TOX3: variants seen among roughly 807,000 people sequenced by gnomAD.
TOX3 encodes CAG trinucleotide repeat-containing gene F9 protein.
A neutral mutation model predicts 64.3 loss-of-function variants in TOX3; 22 were observed. The observed-to-expected ratio is 0.34, with a 90% CI of 0.24 to 0.49. TOX3 has a LOEUF of 0.49. Among genes scored for constraint, TOX3 ranks in the 20% least tolerant of loss-of-function variants. TOX3 has a pLI of 0.99. For synonymous variants in TOX3, 291 were observed against 273.6 expected (o/e 1.06, Z -0.63); for missense variants, 661 against 714.4 (o/e 0.93, Z 0.85).
intron 3 of TOX3, among the ~76,000 whole-genome samples, chr16:52,460,196 T>C (rs112041972): frequency 2.5e-4 from 38 of 152,306 alleles, no homozygotes; most frequent in African/African-American, 8.2e-4. Context: ...AGCACCACTA[T>C]AGCATTTTCT....
At chr16:52,458,947 G>A (rs1216759308) in intron 3 of TOX3, among the ~76,000 whole-genome samples, 3 of 152,076 alleles carry the variant, frequency 2.0e-5, no homozygotes, top group African/African-American at 7.2e-5. Flanking sequence ...GTAATTCATT[G>A]AGGGGACACT....
chr16:52,532,856 C>T (rs772103023), intron 1 of TOX3, among the ~76,000 whole-genome samples: 2 of 152,014 alleles, frequency 1.3e-5, no homozygotes, highest in East Asian at 3.9e-4. Flanking sequence ...GCAGGGGACA[C>T]AGAGGATAAA....
intron 1 of TOX3, among the ~76,000 whole-genome samples, chr16:52,485,258 A>ATATATGTGTG (rs1961496745): frequency 6.8e-6 from 1 of 146,498 alleles, no homozygotes; most frequent in Admixed American, 6.8e-5. Flanking sequence ...ATATATATAT[A>ATATATGTGTG]TATATATATA....
chr16:52,492,564 AATATATATATAT>A (rs56848244), intron 1 of TOX3, among the ~76,000 whole-genome samples: 8 of 90,694 alleles, frequency 8.8e-5, no homozygotes, highest in South Asian at 4.0e-4. Flanking sequence ...GTTGTATATA[AATATATATATAT>A]ATATATATAT....
intron 1 of TOX3, among the ~76,000 whole-genome samples, chr16:52,482,204 T>C (rs1045892235): frequency 6.6e-6 from 1 of 152,192 alleles, no homozygotes; most frequent in African/African-American, 2.4e-5. Flanking sequence ...AGCTACAACT[T>C]ATTTTAGCAT....
At position 52,519,728 on chromosome 16, in the gene TOX3, C is replaced by T. The variant is rs142218782; in HGVS notation, c.87+26909G>A. The T allele has an allele frequency of 1.1e-3, 657 of 599,842 alleles. 6 individuals are homozygous for T. In the East Asian group the frequency reaches 0.018, roughly 16 times the overall value. 37.2% of individuals were successfully genotyped at this position (599,842 alleles called of 1,614,324 possible). On this transcript the variant is annotated intron_variant, in intron 1 of 6. Transcript: ENST00000219746. ...ATCCCAGCACTTTGGGAGGCCAACA[C>T]AGCAGGAGCTCTTGGGCCTGGGAGT... is the stretch of plus-strand genomic sequence containing the variant.
intron 1 of TOX3, among the ~76,000 whole-genome samples, chr16:52,543,276 T>C (rs1963112792): frequency 6.6e-6 from 1 of 152,210 alleles, no homozygotes; most frequent in South Asian, 2.1e-4. Flanking sequence ...GATTTTGGAA[T>C]ATTTGCATTA....
intron 1 of TOX3, among the ~76,000 whole-genome samples, chr16:52,509,710 G>C (rs1962250936): frequency 6.6e-6 from 1 of 152,246 alleles, no homozygotes; most frequent in African/African-American, 2.4e-5. Flanking sequence ...GCTTATGTAT[G>C]TACATGTGCA....
At position 52,439,474 on chromosome 16, in the gene TOX3, C is replaced by T. The variant is rs377610207; in HGVS notation, c.1482G>A (p.Gln494=). 1.1e-4 allele frequency: 159 copies of T among 1,434,990 alleles called. No individual in the cohort carries two copies. Among genetic ancestry groups the T allele is most frequent in the Non-Finnish European group, 1.4e-4 (146 of 1,041,332 alleles). 88.9% of individuals were successfully genotyped at this position (1,434,990 alleles called of 1,614,324 possible). Reference sequence around the variant, plus strand: ...GATTAATTTGCTGCTGGAGATGCTGCTGCTGCTGCTGCAGGTGCTGCTGCA... The same window carrying T: ...GATTAATTTGCTGCTGGAGATGCTGTTGCTGCTGCTGCAGGTGCTGCTGCA... The part of the protein sequence containing the change: ...HHMQQHLQQQ[Q]QHLQQQINQQ... The change falls in exon 7 of 7, where the codon CAG becomes CAA. Residue 494 remains glutamine (Q), a synonymous_variant. Transcript: ENST00000219746.
intron 1 of TOX3, among the ~76,000 whole-genome samples, chr16:52,498,547 T>C (rs1391749449): frequency 6.6e-6 from 1 of 152,106 alleles, no homozygotes; most frequent in Non-Finnish European, 1.5e-5. Flanking sequence ...TCACTTGACC[T>C]GCCTCCCAAC....
intron 1 of TOX3, among the ~76,000 whole-genome samples, chr16:52,478,315 TG>T (rs1961275045): frequency 1.3e-5 from 2 of 152,292 alleles, no homozygotes; most frequent in South Asian, 4.2e-4. Flanking sequence ...GTTCTTTCTC[TG>T]GGCCACTCAT....
rs183585723 is a variant in TOX3 at position 52,522,506 on chromosome 16, C to T, written c.87+24131G>A. 3.9e-5 allele frequency among the ~76,000 whole-genome samples: 6 copies of T among 152,304 alleles called. No individual in the cohort carries two copies. In the East Asian group the frequency reaches 5.8e-4, roughly 15 times the overall value. On this transcript the variant is annotated intron_variant, in intron 1 of 6. Transcript: ENST00000219746. ...AAGTCTCGTCTCTTGCAGTCTCACA[C>T]AAATGGGCAGTTCAGTTGCAGTCAT...
chr16:52,469,749 T>C (rs1960985210), intron 1 of TOX3, among the ~76,000 whole-genome samples: 1 of 152,170 alleles, frequency 6.6e-6, no homozygotes. Flanking sequence ...TACATAGATA[T>C]GGAAGACTCA....
At chr16:52,505,188 G>A (rs933205894) in intron 1 of TOX3, among the ~76,000 whole-genome samples, 1 of 152,136 alleles carries the variant, frequency 6.6e-6, no homozygotes, top group Non-Finnish European at 1.5e-5. Context: ...AGAGAGAACT[G>A]CATAGGAAGG....
In TOX3 at chr16:52,459,832, A is replaced by G. The variant is rs183714883; in HGVS notation, c.408+4102T>C. Among the ~76,000 whole-genome samples, 336 of 152,312 alleles carry G rather than the reference A, an allele frequency of 2.2e-3. 1 individual carries two copies. The highest frequency in any genetic ancestry group is 6.1e-3 in the Admixed American group (94 of 15,296). Reference sequence around the variant, plus strand: ...TTAACGTAAGATTTTTTTAAGTATAAAAATGGCATGAAAGTCATTTTCTTA... The same window carrying G: ...TTAACGTAAGATTTTTTTAAGTATAGAAATGGCATGAAAGTCATTTTCTTA... On this transcript the variant is annotated intron_variant, in intron 3 of 6. Coordinates refer to ENST00000219746, the MANE Select transcript of TOX3 (RefSeq NM_001080430.4).
At position 52,464,149 on chromosome 16, in the gene TOX3, C is replaced by T; in HGVS notation, c.193G>A (p.Glu65Lys). The change falls in exon 3 of 7, where the codon GAA (glutamate) becomes AAA (lysine). Residue 65 changes from glutamate (E) to lysine (K), a missense_variant. Physicochemically the swap from Glu to Lys is moderately conservative, Grantham distance 56. Transcript: ENST00000219746. Reference sequence around the variant, plus strand: ...GGAGGAGGCGTGATTGGTGGAATTTCGAATTCCTCGTCCCCAAGGCTTGGT... The same window carrying T: ...GGAGGAGGCGTGATTGGTGGAATTTTGAATTCCTCGTCCCCAAGGCTTGGT... ...HTPSLGDEEF[E>K]IPPITPPPES... 5 of 1,576,728 alleles carry T rather than the reference C, an allele frequency of 3.2e-6. No homozygotes were observed. The highest frequency in any genetic ancestry group is 4.3e-6 in the Non-Finnish European group (5 of 1,160,428).
At chr16:52,447,494 T>C (rs1489596660) in intron 4 of TOX3, among the ~76,000 whole-genome samples, 1 of 152,178 alleles carries the variant, frequency 6.6e-6, no homozygotes, top group East Asian at 1.9e-4. Context: ...ACTCAAAGTG[T>C]TAAGAAACCA....
chr16:52,440,748 CTTTCTTTTTTTTTT>C lies in TOX3; in HGVS notation c.988-794_988-781del, dbSNP rs1367916745. ...ATTGGGTTATATGGTATTTTTCTTT[CTTTCTTTTTTTTTT>C]TTTTTTTTTTTTTTTTGAGGTGGAG... is the stretch of plus-strand genomic sequence containing the variant. On this transcript the variant is annotated intron_variant, in intron 6 of 6. Transcript: ENST00000219746. Among the ~76,000 whole-genome samples, 51 of 89,448 alleles carry C rather than the reference CTTTCTTTTTTTTTT, an allele frequency of 5.7e-4. 1 individual carries two copies. Among genetic ancestry groups the C allele is most frequent in the South Asian group, 1.5e-3 (3 of 2,064 alleles). The allele number at this position is 89,448 out of a possible 152,430, so 58.7% of individuals were successfully genotyped here. A position where few individuals can be genotyped will look rare whatever the true frequency, so the allele number is the denominator to read the frequency against.
chr16:52,464,330 AAC>A (rs781264190), intron 2 of TOX3, 142 bp from the exon 3 acceptor site: 115 of 978,304 alleles, frequency 1.2e-4, no homozygotes, highest in Non-Finnish European at 1.5e-4. Flanking sequence ...AAATATCTTA[AAC>A]ACAGATTTCC....
Sources: gnomAD v4.1 joint callset for allele counts (sites outside exome capture counted in the v4.1 genomes callset) on GRCh38, gnomAD v4.1.1 for gene constraint, MANE v1.5 for transcripts, NCBI Gene and HGNC (gene_info 2026-07-23, HGNC 2026-07-21) for gene names.